Variants in KIAA1217 observed in about 807,000 individuals in gnomAD.
The protein encoded by KIAA1217 is KIAA1217, also known as sickle tail protein homolog.
In KIAA1217, 88 loss-of-function variants were observed where a neutral mutation model predicts 163.9. The observed-to-expected ratio is 0.54, with a 90% CI of 0.45 to 0.64. The LOEUF (loss-of-function observed/expected upper bound fraction) is 0.64, where lower values mean the gene tolerates loss of function less well. KIAA1217 is among the 30% of genes least tolerant of loss of function. The pLI is 0.00. For synonymous variants in KIAA1217, 903 were observed against 923.1 expected (o/e 0.98, Z 0.39); for missense variants, 2,372 against 2,475.0 (o/e 0.96, Z 0.88).
chr10:24,133,166 C>T (rs1229188022), intron 2 of KIAA1217, among the ~76,000 whole-genome samples: 2 of 151,918 alleles, frequency 1.3e-5, no homozygotes, highest in African/African-American at 4.8e-5. Context: ...ATTCAGACTG[C>T]TTGCTTAACA....
At chr10:24,539,394 A>G (rs1042433812) in intron 17 of KIAA1217, among the ~76,000 whole-genome samples, 2 of 151,772 alleles carry the variant, frequency 1.3e-5, no homozygotes, top group African/African-American at 4.8e-5. Context: ...ACACCCGGCT[A>G]ATTTTTTTGT....
intron 4 of KIAA1217, among the ~76,000 whole-genome samples, chr10:24,434,304 G>A (rs1205360931): frequency 6.6e-6 from 1 of 151,998 alleles, no homozygotes; most frequent in Non-Finnish European, 1.5e-5. Flanking sequence ...CTCCCAAAGT[G>A]CTAGGATTAC....
Position 24,250,623 on chromosome 10 carries a change from A to T in KIAA1217, c.354+30714A>T, listed in dbSNP as rs74710462. Among the ~76,000 whole-genome samples the T allele has an allele frequency of 1.3e-3, 31 of 24,482 alleles. 9 individuals carry two copies. The highest frequency in any genetic ancestry group is 3.8e-3 in the East Asian group (3 of 798). The allele number at this position is 24,482 out of a possible 152,430, so 16.1% of individuals were successfully genotyped here. On this transcript the variant is annotated intron_variant, in intron 2 of 20. Transcript: ENST00000376454. Reference sequence around the variant, plus strand: ...AATTTTTTTTTTTTTTGTATTGTTAATAGAGACGGAGTTTCGCCATGATGG... The same window carrying T: ...AATTTTTTTTTTTTTTGTATTGTTATTAGAGACGGAGTTTCGCCATGATGG...
rs189757804 is a variant in KIAA1217 at position 23,797,988 on chromosome 10, A to T, written c.-321+102754A>T. Among the ~76,000 whole-genome samples the T allele has an allele frequency of 3.0e-3, 453 of 152,332 alleles. 3 individuals are homozygous for T. Among genetic ancestry groups the T allele is most frequent in the African/African-American group, 0.011 (438 of 41,578 alleles). On this transcript the variant is annotated intron_variant, in intron 1 of 18. Coordinates refer to the KIAA1217 transcript ENST00000376462. The stretch of plus-strand genomic sequence containing the variant: ...CTTTAGGGACTCTGCCACCTATAGC[A>T]TTCCAAGAGGTCATTAATTCTTTTT...
intron 3 of KIAA1217, among the ~76,000 whole-genome samples, chr10:24,421,643 A>G (rs775287322): frequency 2.6e-5 from 4 of 152,236 alleles, no homozygotes; most frequent in Non-Finnish European, 5.9e-5. Context: ...ACATAAGAAC[A>G]TTCTTTTTAA....
intron 2 of KIAA1217, among the ~76,000 whole-genome samples, chr10:24,174,840 C>T (rs1156528630): frequency 2.6e-5 from 4 of 151,934 alleles, no homozygotes; most frequent in Non-Finnish European, 5.9e-5. Flanking sequence ...ATAGTATACC[C>T]AACATGTAGT....
chr10:24,246,075 G>A (rs146292400), intron 2 of KIAA1217, among the ~76,000 whole-genome samples: 177 of 152,236 alleles, frequency 1.2e-3, no homozygotes, highest in Admixed American at 1.6e-3. Flanking sequence ...CACGGGCTCC[G>A]TTCATCTTTA....
At chr10:24,376,006 C>T (rs1179280723) in intron 2 of KIAA1217, among the ~76,000 whole-genome samples, 1 of 152,198 alleles carries the variant, frequency 6.6e-6, no homozygotes, top group African/African-American at 2.4e-5. Flanking sequence ...TTGTTATCTC[C>T]AAATCCAATA....
chr10:24,516,187 C>G, intron 10 of KIAA1217, among the ~76,000 whole-genome samples: 1 of 152,240 alleles, frequency 6.6e-6, no homozygotes, highest in East Asian at 1.9e-4. Context: ...GGCAGTAGAA[C>G]CCTGCAAACC....
chr10:24,042,845 C>CA (rs570093561), intron 2 of KIAA1217, among the ~76,000 whole-genome samples: 23 of 151,588 alleles, frequency 1.5e-4, no homozygotes, highest in South Asian at 8.3e-4. Context: ...TGAATAGAAA[C>CA]AAAAAAAAGA....
At chr10:24,448,610 A>G (rs748407041) in intron 5 of KIAA1217, among the ~76,000 whole-genome samples, 64 of 151,368 alleles carry the variant, frequency 4.2e-4, no homozygotes, top group Non-Finnish European at 8.1e-4. Context: ...CTGGCTTTGA[A>G]CTCCTAGGCT....
At chr10:23,866,859 A>G (rs549216004) in intron 1 of KIAA1217, among the ~76,000 whole-genome samples, 6 of 151,234 alleles carry the variant, frequency 4.0e-5, no homozygotes, top group African/African-American at 9.7e-5. Flanking sequence ...TTCTTTTATT[A>G]TTATTATACT....
At chr10:23,729,047 G>C (rs1261081116) in intron 1 of KIAA1217, among the ~76,000 whole-genome samples, 1 of 152,130 alleles carries the variant, frequency 6.6e-6, no homozygotes, top group South Asian at 2.1e-4. Flanking sequence ...GAATCCAACA[G>C]TACATAGCCT....
chr10:24,365,737 T>G (rs1018010178), intron 2 of KIAA1217, among the ~76,000 whole-genome samples: 1 of 152,194 alleles, frequency 6.6e-6, no homozygotes, highest in South Asian at 2.1e-4. Flanking sequence ...ATGTGCATCT[T>G]GGGTAGAATA....
chr10:24,484,241 A>ATATATATATATATTTTTTTTTT (rs1376083298), intron 6 of KIAA1217, among the ~76,000 whole-genome samples: 8 of 75,150 alleles, frequency 1.1e-4, no homozygotes, highest in Non-Finnish European at 1.7e-4. Flanking sequence ...ATATATATAT[A>ATATATATATATATTTTTTTTTT]TTTTTTTTTT....
At chr10:23,908,545 G>A (rs1442106743) in intron 1 of KIAA1217, among the ~76,000 whole-genome samples, 1 of 152,022 alleles carries the variant, frequency 6.6e-6, no homozygotes, top group East Asian at 1.9e-4. Flanking sequence ...ACCCTCTCTG[G>A]GTGACTGCCT....
chr10:23,865,385 T>C (rs988591908), intron 1 of KIAA1217, among the ~76,000 whole-genome samples: 1 of 152,222 alleles, frequency 6.6e-6, no homozygotes, highest in African/African-American at 2.4e-5. Flanking sequence ...TTCTGTGAAT[T>C]GTATTTTGAG....
chr10:24,254,542 T>G (rs1330296409), intron 2 of KIAA1217, among the ~76,000 whole-genome samples: 1 of 152,216 alleles, frequency 6.6e-6, no homozygotes, highest in Non-Finnish European at 1.5e-5. Context: ...AGCATTTGGA[T>G]GTTACAGCCC....
At chr10:24,536,928 G>C (rs978391620) in intron 17 of KIAA1217, 35 bp downstream of exon 17, 8 of 1,610,412 alleles carry the variant, frequency 5.0e-6, no homozygotes, top group African/African-American at 1.3e-5. Context: ...CACACGGTTG[G>C]GAGTCCTTCC....
Sources: gnomAD v4.1 joint callset for allele counts (sites outside exome capture counted in the v4.1 genomes callset) on GRCh38, gnomAD v4.1.1 for gene constraint, MANE v1.5 for transcripts, NCBI Gene and HGNC (gene_info 2026-07-23, HGNC 2026-07-21) for gene names.